BTBD9: variants seen among roughly 807,000 people sequenced by gnomAD.
BTBD9 encodes BTB/POZ domain-containing protein 9.
A neutral mutation model predicts 64.3 loss-of-function variants in BTBD9; 49 were observed. That is an observed-to-expected ratio of 0.76 (90% confidence interval 0.61 to 0.97). The LOEUF (loss-of-function observed/expected upper bound fraction) is 0.97. BTBD9 is among the 50% of genes least tolerant of loss of function. The pLI is 0.00. For synonymous variants in BTBD9, 260 were observed against 274.7 expected (o/e 0.95, Z 0.53); for missense variants, 598 against 762.1 (o/e 0.78, Z 2.53).
At chr6:38,502,276 G>A (rs1226020247) in intron 6 of BTBD9, among the ~76,000 whole-genome samples, 1 of 152,208 alleles carries the variant, frequency 6.6e-6, no homozygotes, top group Non-Finnish European at 1.5e-5. Context: ...CATGGAATAT[G>A]AATAACACTT....
chr6:38,428,950 C>T (rs1334280356), intron 6 of BTBD9, among the ~76,000 whole-genome samples: 1 of 151,570 alleles, frequency 6.6e-6, no homozygotes, highest in Non-Finnish European at 1.5e-5. Flanking sequence ...AACTCGTGAT[C>T]TGCCTGCCTT....
chr6:38,458,628 G>T (rs1769928113), intron 6 of BTBD9, among the ~76,000 whole-genome samples: 1 of 152,172 alleles, frequency 6.6e-6, no homozygotes, highest in Non-Finnish European at 1.5e-5. Context: ...ACTAACCAAA[G>T]ATACCTGACA....
chr6:38,402,835 AGGAG>A (rs1562134226), intron 6 of BTBD9: 1 of 701,324 alleles, frequency 1.4e-6, no homozygotes, highest in Non-Finnish European at 2.6e-6. Flanking sequence ...TGGAAGGCCA[AGGAG>A]GGAGGATTGC....
At chr6:38,543,381 C>G (rs1398475938) in intron 6 of BTBD9, among the ~76,000 whole-genome samples, 1 of 152,160 alleles carries the variant, frequency 6.6e-6, no homozygotes, top group African/African-American at 2.4e-5. Flanking sequence ...ATATATCACC[C>G]CTCTAGAATG....
intron 6 of BTBD9, among the ~76,000 whole-genome samples, chr6:38,478,183 A>G (rs973776504): frequency 3.3e-5 from 5 of 152,138 alleles, no homozygotes; most frequent in African/African-American, 1.2e-4. Context: ...TAAAAATTTT[A>G]CCACCAGTCT....
At chr6:38,374,636 A>G (rs1765611451) in intron 6 of BTBD9, among the ~76,000 whole-genome samples, 3 of 151,906 alleles carry the variant, frequency 2.0e-5, no homozygotes, top group Admixed American at 6.6e-5. Context: ...TTATTTGGGG[A>G]AAAAAAGTTC....
chr6:38,577,507 C>G, intron 6 of BTBD9, 93 bp downstream of exon 6: 1 of 1,312,712 alleles, frequency 7.6e-7, no homozygotes, highest in South Asian at 1.4e-5. Flanking sequence ...CTGAATAACT[C>G]TTTTTTCAAG....
At chr6:38,277,837 G>A (rs986211907) in intron 8 of BTBD9, among the ~76,000 whole-genome samples, 2 of 152,078 alleles carry the variant, frequency 1.3e-5, no homozygotes, top group African/African-American at 4.8e-5. Flanking sequence ...AAAATAAACA[G>A]AACACATGAA....
At chr6:38,345,633 T>G (rs1278956536) in intron 6 of BTBD9, among the ~76,000 whole-genome samples, 2 of 152,242 alleles carry the variant, frequency 1.3e-5, no homozygotes, top group Non-Finnish European at 2.9e-5. Flanking sequence ...CCTAAATCTT[T>G]GTTAGGAAGT....
chr6:38,396,803 G>A (rs955764238), intron 6 of BTBD9, among the ~76,000 whole-genome samples: 2 of 151,406 alleles, frequency 1.3e-5, no homozygotes, highest in African/African-American at 2.4e-5. Flanking sequence ...TAAACACGCC[G>A]CTTTTTATGT....
chr6:38,334,632 TAAATAAAATAATAA>T (rs1562039955), intron 7 of BTBD9, among the ~76,000 whole-genome samples: 4 of 143,112 alleles, frequency 2.8e-5, no homozygotes, highest in East Asian at 4.1e-4. Context: ...TAACATAAAA[TAAATAAAATAATAA>T]AATAAAATAA....
At chr6:38,436,732 T>G (rs1213076578) in intron 6 of BTBD9, among the ~76,000 whole-genome samples, 2 of 152,118 alleles carry the variant, frequency 1.3e-5, no homozygotes, top group Non-Finnish European at 2.9e-5. Flanking sequence ...GGGTTTTTCA[T>G]AAAAAGAAGG....
At chr6:38,359,583 G>T (rs1764871525) in intron 6 of BTBD9, among the ~76,000 whole-genome samples, 1 of 152,158 alleles carries the variant, frequency 6.6e-6, no homozygotes, top group African/African-American at 2.4e-5. Flanking sequence ...ACTCTGAAAA[G>T]GAAGCCAAAG....
intron 6 of BTBD9, among the ~76,000 whole-genome samples, chr6:38,346,457 G>T (rs114390437): frequency 0.013 from 1,945 of 152,140 alleles, 18 homozygotes; most frequent in Non-Finnish European, 0.019. Flanking sequence ...TGAACTGACT[G>T]TCCAGTGTGC....
At chr6:38,419,389 A>G (rs9462433) in intron 6 of BTBD9, among the ~76,000 whole-genome samples, 15,030 of 152,286 alleles carry the variant, frequency 0.099, 792 homozygotes, top group African/African-American at 0.12. Flanking sequence ...TATATAAACG[A>G]TATCTCAATA....
intron 6 of BTBD9, among the ~76,000 whole-genome samples, chr6:38,527,263 CAAAAAAAAAAAAAAAAAAA>C (rs55979438): frequency 1.3e-4 from 7 of 53,306 alleles, no homozygotes; most frequent in South Asian, 1.1e-3. Flanking sequence ...GACTCTGTCT[CAAAAAAAAAAAAAAAAAAA>C]AAAAAAAAAA....
At chr6:38,266,605 G>GGAAAGAAAGGAAAGAAAGAAA (rs1764986797) in intron 8 of BTBD9, among the ~76,000 whole-genome samples, 3 of 107,192 alleles carry the variant, frequency 2.8e-5, no homozygotes, top group Non-Finnish European at 5.6e-5. Flanking sequence ...AGGAAAGAAA[G>GGAAAGAAAGGAAAGAAAGAAA]GAAAGAAAGA....
intron 6 of BTBD9, among the ~76,000 whole-genome samples, chr6:38,406,277 A>T (rs1402285035): frequency 6.6e-6 from 1 of 152,214 alleles, no homozygotes; most frequent in Non-Finnish European, 1.5e-5. Flanking sequence ...GGCCAAAGGC[A>T]AAATTCTTTG....
At chr6:38,298,896 T>C (rs1762267778) in intron 7 of BTBD9, among the ~76,000 whole-genome samples, 1 of 151,822 alleles carries the variant, frequency 6.6e-6, no homozygotes. Flanking sequence ...AGGGTACATG[T>C]GCACAACGTG....
Sources: gnomAD v4.1 joint callset for allele counts (sites outside exome capture counted in the v4.1 genomes callset) on GRCh38, gnomAD v4.1.1 for gene constraint, MANE v1.5 for transcripts, NCBI Gene and HGNC (gene_info 2026-07-23, HGNC 2026-07-21) for gene names.